Variants in VMP1 observed in about 807,000 individuals in gnomAD.
VMP1 encodes ectopic P-granules autophagy protein 3 homolog.
A neutral mutation model predicts 56.0 loss-of-function variants in VMP1; 11 were observed. The ratio of observed to expected loss-of-function variants is 0.20; its 90% confidence interval spans 0.12 to 0.32. The LOEUF (loss-of-function observed/expected upper bound fraction) is 0.32, where lower values mean the gene tolerates loss of function less well. Among genes scored for constraint, VMP1 ranks in the 10% least tolerant of loss-of-function variants. VMP1 has a pLI of 1.00. For missense variants in VMP1, 296 were observed against 490.3 expected, an observed-to-expected ratio of 0.60 and a Z score of 3.74; for synonymous variants, 149 against 165.0, an observed-to-expected ratio of 0.90 and a Z score of 0.74.
At chr17:59,768,248 A>G (rs576154321) in intron 6 of VMP1, among the ~76,000 whole-genome samples, 3 of 152,260 alleles carry the variant, frequency 2.0e-5, no homozygotes, top group East Asian at 1.9e-4. Context: ...TACAGCACAC[A>G]CTAAGTTATG....
chr17:59,708,833 T>C (rs745975937), intron 1 of VMP1, among the ~76,000 whole-genome samples: 4 of 152,228 alleles, frequency 2.6e-5, no homozygotes, highest in Non-Finnish European at 4.4e-5. Flanking sequence ...ATGTTTTTAC[T>C]GTGGAAGAGG....
Position 59,788,804 on chromosome 17 carries a change from TA to T in VMP1, c.714+14934del, listed in dbSNP as rs10640460. On this transcript the variant is annotated intron_variant, in intron 7 of 11. Transcript: ENST00000262291. ...CTGGGCAACAGAGCTAGACTCCATC[TA>T]AAAAAAAAAAAAAAGAAAGAAAGAA... 2.9e-3 allele frequency among the ~76,000 whole-genome samples: 404 copies of T among 138,550 alleles called. 1 individual carries two copies. Among genetic ancestry groups the T allele is most frequent in the Admixed American group, 3.6e-3 (49 of 13,800 alleles). 90.9% of individuals were successfully genotyped at this position (138,550 alleles called of 152,430 possible).
At chr17:59,815,837 C>T (rs2038209418) in intron 9 of VMP1, among the ~76,000 whole-genome samples, 1 of 123,566 alleles carries the variant, frequency 8.1e-6, no homozygotes, top group Non-Finnish European at 1.6e-5. Context: ...GCCTGGGCAA[C>T]AGAGCGAGAC....
At chr17:59,730,064 GC>G (rs2034767067) in intron 1 of VMP1, 1 of 152,072 alleles carries the variant, frequency 6.6e-6, no homozygotes, top group South Asian at 2.1e-4. Flanking sequence ...TTCCTTGATG[GC>G]TAAAGATGTT....
intron 1 of VMP1, among the ~76,000 whole-genome samples, chr17:59,730,293 G>C (rs1253953147): frequency 6.6e-6 from 1 of 151,156 alleles, no homozygotes; most frequent in Non-Finnish European, 1.5e-5. Context: ...TTTGAAGCAG[G>C]GTCTCCCTTT....
intron 7 of VMP1, among the ~76,000 whole-genome samples, chr17:59,804,579 C>T (rs1422788341): frequency 7.5e-6 from 1 of 134,216 alleles, no homozygotes; most frequent in Admixed American, 8.5e-5. Flanking sequence ...CGCACCACTT[C>T]ACTCACTGCA....
intron 7 of VMP1, among the ~76,000 whole-genome samples, chr17:59,791,273 C>G (rs1449722597): frequency 6.6e-6 from 1 of 151,190 alleles, no homozygotes; most frequent in Non-Finnish European, 1.5e-5. Flanking sequence ...ACTGCAAGCT[C>G]CACCTCCCAG....
intron 7 of VMP1, among the ~76,000 whole-genome samples, chr17:59,781,380 C>T (rs1193614428): frequency 6.6e-6 from 1 of 152,134 alleles, no homozygotes; most frequent in African/African-American, 2.4e-5. Context: ...TCACTGTATT[C>T]CAGACTGCTT....
chr17:59,819,751 C>T (rs779647179), intron 10 of VMP1, among the ~76,000 whole-genome samples: 1 of 152,198 alleles, frequency 6.6e-6, no homozygotes, highest in South Asian at 2.1e-4. Context: ...CGCTCCCAAC[C>T]CCTTATTTTT....
rs144690933 is a variant in VMP1, at chr17:59,823,608, C to T, written c.974+5835C>T. ...ACTAAAAATACAAAAAAAAATTAGC[C>T]GGGTGTGGTGGACGGCACCTGTATC... On this transcript the variant is annotated intron_variant, in intron 10 of 11. Transcript: ENST00000262291. Among the ~76,000 whole-genome samples, 343 of 151,448 alleles carry T rather than the reference C, an allele frequency of 2.3e-3. 11 individuals are homozygous for T. In the East Asian group the frequency reaches 0.064, roughly 28 times the overall value.
At chr17:59,809,636 A>T (rs2037984363) in intron 8 of VMP1, among the ~76,000 whole-genome samples, 1 of 147,936 alleles carries the variant, frequency 6.8e-6, no homozygotes, top group Non-Finnish European at 1.5e-5. Flanking sequence ...CCTCCCAAGT[A>T]GCTGGGACTA....
intron 1 of VMP1, among the ~76,000 whole-genome samples, chr17:59,715,992 T>C (rs1489748318): frequency 5.3e-5 from 8 of 152,180 alleles, no homozygotes; most frequent in African/African-American, 1.4e-4. Flanking sequence ...TATTTTTTTT[T>C]TGTACTAAAG....
At chr17:59,820,177 A>G (rs557512586) in intron 10 of VMP1, among the ~76,000 whole-genome samples, 2 of 152,254 alleles carry the variant, frequency 1.3e-5, no homozygotes, top group East Asian at 1.9e-4. Flanking sequence ...ACCAGGGTTT[A>G]TAAGCCCTCT....
At chr17:59,762,518 C>T (rs886926251) in intron 5 of VMP1, among the ~76,000 whole-genome samples, 3 of 151,964 alleles carry the variant, frequency 2.0e-5, no homozygotes, top group African/African-American at 4.8e-5. Flanking sequence ...TCATTCAAAT[C>T]GGTTATATTT....
chr17:59,780,647 C>T (rs956597341), intron 7 of VMP1, among the ~76,000 whole-genome samples: 8 of 152,010 alleles, frequency 5.3e-5, no homozygotes, highest in Non-Finnish European at 8.8e-5. Flanking sequence ...AATGTAGTGG[C>T]GCCATCTCAG....
At chr17:59,771,589 GTTTTTTGGT>G (rs1478306829) in intron 6 of VMP1, among the ~76,000 whole-genome samples, 2 of 143,280 alleles carry the variant, frequency 1.4e-5, no homozygotes, top group Non-Finnish European at 3.1e-5. Context: ...ACATTACAGT[GTTTTTTGGT>G]TTTTTTGGTT....
At chr17:59,790,776 G>A (rs1440794377) in intron 7 of VMP1, among the ~76,000 whole-genome samples, 1 of 152,102 alleles carries the variant, frequency 6.6e-6, no homozygotes, top group African/African-American at 2.4e-5. Flanking sequence ...GGGTGACAGG[G>A]CAAGCTCCAT....
intron 7 of VMP1, among the ~76,000 whole-genome samples, chr17:59,803,806 C>G (rs1332288629): frequency 6.6e-6 from 1 of 151,988 alleles, no homozygotes; most frequent in Non-Finnish European, 1.5e-5. Flanking sequence ...ACCTAACATA[C>G]AATTTGTTTG....
chr17:59,719,333 A>ACAAACAAT (rs1245887540), intron 1 of VMP1, among the ~76,000 whole-genome samples: 2 of 151,898 alleles, frequency 1.3e-5, no homozygotes, highest in African/African-American at 4.8e-5. Flanking sequence ...AAACAAACAA[A>ACAAACAAT]CAAACAAATA....
Sources: gnomAD v4.1 joint callset for allele counts (sites outside exome capture counted in the v4.1 genomes callset) on GRCh38, gnomAD v4.1.1 for gene constraint, MANE v1.5 for transcripts, NCBI Gene and HGNC (gene_info 2026-07-23, HGNC 2026-07-21) for gene names.